Variants in CALD1 observed in about 807,000 individuals in gnomAD.
CALD1 encodes caldesmon 1.
Under a neutral mutation model 99.9 loss-of-function variants are expected in CALD1, and 33 were observed. The observed-to-expected ratio is 0.33, with a 90% CI of 0.25 to 0.44. The LOEUF is 0.44. Among genes scored for constraint, CALD1 ranks in the 20% least tolerant of loss-of-function variants. CALD1 has a pLI of 1.00. For missense variants in CALD1, 861 were observed against 962.1 expected (o/e 0.89, Z 1.39); for synonymous variants, 310 against 325.0 (o/e 0.95, Z 0.50).
intron 3 of CALD1, among the ~76,000 whole-genome samples, chr7:134,876,912 G>A (rs1236505266): frequency 6.6e-6 from 1 of 152,118 alleles, no homozygotes; most frequent in Non-Finnish European, 1.5e-5. Context: ...AGTGGGACAG[G>A]TGCCTTTCAG....
At chr7:134,918,444 T>C (rs1804372613) in intron 3 of CALD1, among the ~76,000 whole-genome samples, 1 of 152,214 alleles carries the variant, frequency 6.6e-6, no homozygotes. Flanking sequence ...ACAGAATGCA[T>C]GCAGTATTGT....
chr7:134,761,817 G>A (rs1200386903), intron 1 of CALD1, among the ~76,000 whole-genome samples: 5 of 152,296 alleles, frequency 3.3e-5, no homozygotes, highest in South Asian at 2.1e-4. Flanking sequence ...GGCACAACCC[G>A]TTGGATGAAA....
At chr7:134,728,251 C>T in the CALD1 span, among the ~76,000 whole-genome samples, 111,010 of 152,054 alleles carry the variant, frequency 0.73, 41,980 homozygotes, top group East Asian at 0.99. Context: ...TAAAAGAGTT[C>T]AATTGAACAA....
intron 1 of CALD1, among the ~76,000 whole-genome samples, chr7:134,755,673 G>C (rs532415627): frequency 6.6e-6 from 1 of 152,280 alleles, no homozygotes; most frequent in East Asian, 1.9e-4. Context: ...GCTTTTGTTT[G>C]TGATAAATAT....
At chr7:134,712,834 G>T in the CALD1 span, among the ~76,000 whole-genome samples, 2 of 152,112 alleles carry the variant, frequency 1.3e-5, no homozygotes, top group African/African-American at 2.4e-5. Flanking sequence ...CTTCGAGTGG[G>T]GTTTACATAA....
At chr7:134,856,017 G>A (rs890521698) in intron 2 of CALD1, among the ~76,000 whole-genome samples, 5 of 152,208 alleles carry the variant, frequency 3.3e-5, no homozygotes, top group African/African-American at 9.7e-5. Context: ...ACTCTGCAAA[G>A]TATAGGTTTT....
the CALD1 span, among the ~76,000 whole-genome samples, chr7:134,721,903 C>T: frequency 2.6e-5 from 4 of 152,096 alleles, no homozygotes; most frequent in Non-Finnish European, 4.4e-5. Context: ...ATTTATGGAA[C>T]GCAGTCTCAA....
the CALD1 span, among the ~76,000 whole-genome samples, chr7:134,728,336 G>T: frequency 6.6e-6 from 1 of 152,146 alleles, no homozygotes; most frequent in African/African-American, 2.4e-5. Context: ...CGTGGTAGAA[G>T]ATTTATGGAC....
chr7:134,765,966 TTC>T (rs376785979), intron 1 of CALD1, among the ~76,000 whole-genome samples: 11 of 149,760 alleles, frequency 7.3e-5, no homozygotes, highest in Admixed American at 1.3e-4. Context: ...CTCTCTCTCT[TTC>T]TCTCTCTCTC....
intron 2 of CALD1, among the ~76,000 whole-genome samples, chr7:134,865,100 G>C (rs566904951): frequency 6.6e-6 from 1 of 152,076 alleles, no homozygotes; most frequent in East Asian, 1.9e-4. Flanking sequence ...TTGCTGAAAA[G>C]AATTCAGCAC....
chr7:134,878,020 A>G lies in CALD1; in HGVS notation c.71+10216A>G, dbSNP rs945995012. Among the ~76,000 whole-genome samples the G allele has an allele frequency of 3.3e-5, 5 of 152,190 alleles. No individual in the cohort carries two copies. The East Asian group carries it at 9.6e-4, about 29-fold the overall frequency. On this transcript the variant is annotated intron_variant, in intron 3 of 14. Coordinates refer to ENST00000361675, the MANE Select transcript of CALD1 (RefSeq NM_033138.4). Reference sequence around the variant, plus strand: ...ATCCTATAAACTCACCATACAGCCTAAGACCTAGAACATTTCCAATGCCCC... The same window carrying G: ...ATCCTATAAACTCACCATACAGCCTGAGACCTAGAACATTTCCAATGCCCC...
At chr7:134,714,176 C>T in the CALD1 span, among the ~76,000 whole-genome samples, 1 of 152,138 alleles carries the variant, frequency 6.6e-6, no homozygotes. Flanking sequence ...CCTGTACAGC[C>T]TGCAAAACCG....
chr7:134,747,626 C>G (rs1796646528), intron 1 of CALD1, among the ~76,000 whole-genome samples: 1 of 152,204 alleles, frequency 6.6e-6, no homozygotes, highest in African/African-American at 2.4e-5. Flanking sequence ...CCCAGAGCAG[C>G]CTTATATCAG....
At chr7:134,767,762 T>C (rs112180446) in intron 1 of CALD1, among the ~76,000 whole-genome samples, 167 of 152,338 alleles carry the variant, frequency 1.1e-3, no homozygotes, top group African/African-American at 3.9e-3. Flanking sequence ...CTGGTGCCTG[T>C]CAGAGCTTCC....
At chr7:134,920,399 A>T in intron 3 of CALD1, 1 of 528,816 alleles carries the variant, frequency 1.9e-6, no homozygotes, top group Non-Finnish European at 2.4e-6. Context: ...ATCCCAAATT[A>T]AGACCCAGGT....
At chr7:134,886,090 G>A (rs867547787) in intron 3 of CALD1, among the ~76,000 whole-genome samples, 2 of 152,112 alleles carry the variant, frequency 1.3e-5, no homozygotes, top group Admixed American at 6.6e-5. Flanking sequence ...TTAGAGAGTC[G>A]GCCTAAGTAA....
chr7:134,722,809 C>T, the CALD1 span, among the ~76,000 whole-genome samples: 10 of 152,136 alleles, frequency 6.6e-5, no homozygotes, highest in African/African-American at 2.4e-4. Flanking sequence ...TTCCATTTAC[C>T]CACAGTCCCT....
chr7:134,748,588 G>A (rs549411873), intron 1 of CALD1, among the ~76,000 whole-genome samples: 1 of 152,136 alleles, frequency 6.6e-6, no homozygotes, highest in Non-Finnish European at 1.5e-5. Context: ...GCAGGCACCT[G>A]TAATCCCAGC....
intron 9 of CALD1, among the ~76,000 whole-genome samples, chr7:134,956,390 A>AG (rs1257147416): frequency 6.6e-6 from 1 of 152,178 alleles, no homozygotes. Flanking sequence ...TGGTATTAGG[A>AG]GGTGGGATCT....
Sources: allele counts gnomAD v4.1 joint callset (sites outside exome capture counted in the v4.1 genomes callset), GRCh38; gene constraint gnomAD v4.1.1; transcripts MANE v1.5; gene names NCBI Gene and HGNC (gene_info 2026-07-23, HGNC 2026-07-21).